Variants in XPO4 observed in about 807,000 individuals in gnomAD.
XPO4 encodes the protein exportin-4.
In XPO4, 39 loss-of-function variants were observed where a neutral mutation model predicts 143.0. The observed-to-expected ratio is 0.27, with a 90% confidence interval of 0.21 to 0.36. XPO4 has a LOEUF of 0.36. Ranked by LOEUF, XPO4 falls within the 10% of genes least tolerant of loss-of-function variation. The pLI is 1.00. For missense variants in XPO4, 907 were observed against 1,348.0 expected, an observed-to-expected ratio of 0.67 and a Z score of 5.12; for synonymous variants, 439 against 474.0, an observed-to-expected ratio of 0.93 and a Z score of 0.96.
At chr13:20,832,195 TACTG>T (rs778335518) in intron 6 of XPO4, among the ~76,000 whole-genome samples, 8 of 152,334 alleles carry the variant, frequency 5.3e-5, no homozygotes, top group Non-Finnish European at 1.2e-4. Flanking sequence ...TCGCACCCTG[TACTG>T]ACTGTCACTG....
chr13:20,902,354 G>A, intron 1 of XPO4: 2 of 985,366 alleles, frequency 2.0e-6, no homozygotes, highest in South Asian at 4.7e-5. Context: ...ACTCCTTCCC[G>A]GCGCCTTGCT....
At chr13:20,900,246 T>C (rs1470835887) in intron 1 of XPO4, among the ~76,000 whole-genome samples, 1 of 152,046 alleles carries the variant, frequency 6.6e-6, no homozygotes, top group African/African-American at 2.4e-5. Context: ...TAGCTGGGTG[T>C]GGTGGTACAT....
intron 4 of XPO4, chr13:20,849,983 G>A (rs767333898): frequency 1.8e-6 from 1 of 548,432 alleles, no homozygotes; most frequent in African/African-American, 2.0e-5. Flanking sequence ...GCATGCGCCT[G>A]TAGTCCCAGC....
intron 9 of XPO4, among the ~76,000 whole-genome samples, chr13:20,813,579 C>T (rs1042264495): frequency 4.6e-5 from 7 of 152,264 alleles, no homozygotes; most frequent in East Asian, 3.9e-4. Context: ...CAATCACTTT[C>T]GGAAAAATTT....
At chr13:20,859,895 T>C (rs1319245701) in intron 3 of XPO4, 1 of 978,106 alleles carries the variant, frequency 1.0e-6, no homozygotes, top group Non-Finnish European at 1.2e-6. Flanking sequence ...CATTTAAGTC[T>C]ACCAAGGTCT....
chr13:20,879,089 C>G (rs910965834), intron 1 of XPO4: 1 of 980,376 alleles, frequency 1.0e-6, no homozygotes, highest in Non-Finnish European at 1.2e-6. Context: ...AATGCAAGCA[C>G]TCATGTGTTT....
At chr13:20,889,324 TGTCA>T (rs2060490567) in intron 1 of XPO4, among the ~76,000 whole-genome samples, 1 of 152,222 alleles carries the variant, frequency 6.6e-6, no homozygotes, top group Non-Finnish European at 1.5e-5. Flanking sequence ...CTCTAGATGC[TGTCA>T]ATCATGGTAA....
chr13:20,830,828 G>A (rs566535249), intron 6 of XPO4, among the ~76,000 whole-genome samples: 28 of 152,134 alleles, frequency 1.8e-4, no homozygotes, highest in African/African-American at 6.0e-4. Context: ...ATGGGAGAAA[G>A]GCTTACTATG....
chr13:20,828,924 G>A (rs987169705), intron 6 of XPO4, among the ~76,000 whole-genome samples: 2 of 152,176 alleles, frequency 1.3e-5, no homozygotes, highest in Admixed American at 1.3e-4. Context: ...TGACACCTAG[G>A]ATTTGCTTCA....
intron 4 of XPO4, chr13:20,853,104 A>G (rs1237322730): frequency 1.1e-6 from 1 of 940,082 alleles, no homozygotes; most frequent in African/African-American, 1.8e-5. Flanking sequence ...GGCTGAGGCA[A>G]GAGATCACTT....
intron 13 of XPO4, among the ~76,000 whole-genome samples, chr13:20,804,715 A>G (rs1555332765): frequency 2.0e-5 from 3 of 152,184 alleles, no homozygotes; most frequent in South Asian, 2.1e-4. Flanking sequence ...TTAAAGCACT[A>G]TATCTACAAA....
In XPO4 at chr13:20,823,572, T is replaced by TTG. The variant is rs746287098; in HGVS notation, c.841-1284_841-1283insCA. Among the ~76,000 whole-genome samples, 703 of 151,270 alleles carry TTG rather than the reference T, an allele frequency of 4.6e-3. 2 individuals are homozygous for TTG. The highest frequency in any genetic ancestry group is 8.0e-3 in the Non-Finnish European group (546 of 67,916). ...GCTGTGAGCTAAGAATGGTTGTGTT[T>TTG]TTTTCTTTTTTCCATTTTTGTATGG... On this transcript the variant is annotated intron_variant, in intron 7 of 22. Transcript: ENST00000255305.
chr13:20,895,570 T>C (rs536300541), intron 1 of XPO4, among the ~76,000 whole-genome samples: 40 of 150,744 alleles, frequency 2.7e-4, no homozygotes, highest in African/African-American at 9.3e-4. Flanking sequence ...AGGCAGAAGT[T>C]GCAGTGAGCC....
At position 20,890,931 on chromosome 13, in the gene XPO4, A is replaced by G. The variant is rs912275597; in HGVS notation, c.69+11739T>C. Reference sequence around the variant, plus strand: ...GAGACCAGCCTGACCGGACCAACATAGAGAAACCCCGTCTCTACTAAAAAT... The same window carrying G: ...GAGACCAGCCTGACCGGACCAACATGGAGAAACCCCGTCTCTACTAAAAAT... On this transcript the variant is annotated intron_variant, in intron 1 of 22. Coordinates refer to ENST00000255305, the MANE Select transcript of XPO4 (RefSeq NM_022459.5). Among the ~76,000 whole-genome samples the G allele has an allele frequency of 5.9e-5, 9 of 151,832 alleles. No individual in the cohort carries two copies. The Middle Eastern group carries it at 0.014, about 231-fold the overall frequency.
rs868797364 is a variant in XPO4, at chr13:20,781,165, A to G, written c.*2557T>C. The G allele has an allele frequency of 1.3e-5, 2 of 152,260 alleles. No homozygotes were observed. Among genetic ancestry groups the G allele is most frequent in the Non-Finnish European group, 2.9e-5 (2 of 68,042 alleles). 9.4% of individuals were successfully genotyped at this position (152,260 alleles called of 1,614,324 possible). On this transcript the variant is annotated 3_prime_UTR_variant, in exon 23 of 23. Coordinates refer to ENST00000255305, the MANE Select transcript of XPO4 (RefSeq NM_022459.5). ...AAAAAATATTTTAACAACAGTTTTA[A>G]TAGAAAAAAAATCAACTGACTTGAA...
chr13:20,868,325 T>C lies in XPO4; in HGVS notation c.175+271A>G, dbSNP rs1031716265. 1.6e-5 allele frequency: 4 copies of C among 252,212 alleles called. No individual in the cohort carries two copies. The South Asian group carries it at 3.5e-4, about 22-fold the overall frequency. The allele number at this position is 252,212 out of a possible 1,614,324, so 15.6% of individuals were successfully genotyped here. ...CTGAAAAAATACTAAATTTTTCTCTTTACTATTAACAGCCTTCATGTTATG... is the reference window on the plus strand; with the variant it reads ...CTGAAAAAATACTAAATTTTTCTCTCTACTATTAACAGCCTTCATGTTATG... On this transcript the variant is annotated intron_variant, in intron 2 of 22. Coordinates refer to ENST00000255305, the MANE Select transcript of XPO4 (RefSeq NM_022459.5).
At chr13:20,868,743 C>A (rs1427174277) in intron 1 of XPO4, 42 bp from the exon 2 acceptor site, 10 of 1,561,596 alleles carry the variant, frequency 6.4e-6, no homozygotes, top group Non-Finnish European at 8.7e-6. Flanking sequence ...TATCTAATGA[C>A]AAAGCTTAAA....
intron 9 of XPO4, among the ~76,000 whole-genome samples, chr13:20,818,931 C>T (rs1011633615): frequency 1.3e-5 from 2 of 152,114 alleles, no homozygotes; most frequent in African/African-American, 4.8e-5. Context: ...AGAGATCCTC[C>T]TGCTTCAGCC....
chr13:20,879,194 T>C (rs2060382749), intron 1 of XPO4: 5 of 985,264 alleles, frequency 5.1e-6, no homozygotes, highest in Non-Finnish European at 6.0e-6. Context: ...CCAGGGCCCA[T>C]CTCAGGTAGG....
Sources: gnomAD v4.1 joint callset for allele counts (sites outside exome capture counted in the v4.1 genomes callset) on GRCh38, gnomAD v4.1.1 for gene constraint, MANE v1.5 for transcripts, NCBI Gene and HGNC (gene_info 2026-07-23, HGNC 2026-07-21) for gene names.